SLC12A6: variants seen among roughly 807,000 people sequenced by gnomAD.
SLC12A6 encodes solute carrier family 12 member 6.
SLC12A6 carries 66 observed loss-of-function variants against 135.3 expected under a neutral mutation model. That is an observed-to-expected ratio of 0.49 (90% confidence interval 0.40 to 0.60). The LOEUF (loss-of-function observed/expected upper bound fraction) is 0.60, where lower values mean the gene tolerates loss of function less well. Ranked by LOEUF, SLC12A6 falls within the 20% of genes least tolerant of loss-of-function variation. The probability of loss-of-function intolerance (pLI) is 0.00; values close to 1 mark genes in which losing one functional copy is unlikely to be tolerated. For synonymous variants in SLC12A6, 513 were observed against 508.8 expected, an observed-to-expected ratio of 1.01 and a Z score of -0.11; for missense variants, 1,058 against 1,452.3, an observed-to-expected ratio of 0.73 and a Z score of 4.41.
At position 34,318,529 on chromosome 15, in the gene SLC12A6, A is replaced by G. The variant is rs923031054; in HGVS notation, c.271+17881T>C. On this transcript the variant is annotated intron_variant, in intron 2 of 25. Coordinates refer to ENST00000354181, the MANE Select transcript of SLC12A6 (RefSeq NM_001365088.1). ...TTACTTCTTTCATGAAACATTTTAT[A>G]GGTTCCAAAAGCTCCCAAGTTGCGT... The G allele has an allele frequency of 1.9e-6, 3 of 1,556,474 alleles. No individual in the cohort carries two copies. In the Admixed American group the frequency reaches 5.0e-5, roughly 26 times the overall value.
chr15:34,252,175 A>G lies in SLC12A6; in HGVS notation c.1328T>C (p.Ile443Thr). The G allele has an allele frequency of 6.5e-7, 1 of 1,547,850 alleles. No homozygotes were observed. Among genetic ancestry groups the G allele is most frequent in the Non-Finnish European group, 8.9e-7 (1 of 1,119,704 alleles). ...CCAATAACTCCCTAACTTACCTGTA[A>G]TTATACCACTAGCCAATCCAGGAAT... ...QGIPGLASGI[I>T]TENLWSNYLP... Residue 443 changes from isoleucine (I) to threonine (T), a missense_variant, in exon 10 of 26, where the codon ATT (isoleucine) becomes ACT (threonine). Coordinates refer to ENST00000354181, the MANE Select transcript of SLC12A6 (RefSeq NM_001365088.1).
chr15:34,335,691 G>A (rs1189201991), intron 2 of SLC12A6, among the ~76,000 whole-genome samples: 1 of 152,142 alleles, frequency 6.6e-6, no homozygotes, highest in African/African-American at 2.4e-5. Flanking sequence ...ACTGGTTTAG[G>A]AAGCTAAAGG....
At chr15:34,253,971 C>G (rs1273633425) in intron 9 of SLC12A6, among the ~76,000 whole-genome samples, 3 of 152,194 alleles carry the variant, frequency 2.0e-5, no homozygotes, top group Non-Finnish European at 4.4e-5. Context: ...AATCCCAGCA[C>G]GTCGGGAGGC....
intron 3 of SLC12A6, among the ~76,000 whole-genome samples, chr15:34,261,733 G>C (rs1893147405): frequency 6.6e-6 from 1 of 152,166 alleles, no homozygotes; most frequent in African/African-American, 2.4e-5. Context: ...AAAGCTCTCT[G>C]CCTCCACAGC....
chr15:34,296,049 A>C (rs1895859293), intron 2 of SLC12A6, among the ~76,000 whole-genome samples: 1 of 152,220 alleles, frequency 6.6e-6, no homozygotes, highest in Non-Finnish European at 1.5e-5. Context: ...AATTATTTAT[A>C]ATAGTAATTG....
At chr15:34,315,054 A>C (rs1804670042) in intron 2 of SLC12A6, among the ~76,000 whole-genome samples, 1 of 152,196 alleles carries the variant, frequency 6.6e-6, no homozygotes, top group Admixed American at 6.5e-5. Context: ...TGAGCAAAGA[A>C]AGTAGTTTCT....
At chr15:34,257,109 G>A (rs912724827) in intron 6 of SLC12A6, among the ~76,000 whole-genome samples, 1 of 152,170 alleles carries the variant, frequency 6.6e-6, no homozygotes, top group African/African-American at 2.4e-5. Context: ...ATTCATAGGT[G>A]TGTCTGGGAT....
intron 3 of SLC12A6, among the ~76,000 whole-genome samples, chr15:34,265,104 G>A (rs951652366): frequency 6.6e-6 from 1 of 152,220 alleles, no homozygotes; most frequent in African/African-American, 2.4e-5. Flanking sequence ...GGCTGAGGCA[G>A]GAGAATGGCA....
Position 34,245,745 on chromosome 15 carries a change from G to C in SLC12A6, c.1772C>G (p.Ala591Gly). The C allele has an allele frequency of 6.2e-7, 1 of 1,613,790 alleles. No individual in the cohort carries two copies. Among genetic ancestry groups the C allele is most frequent in the Admixed American group, 1.7e-5 (1 of 60,008 alleles). Residue 591 changes from alanine (A) to glycine (G), a missense_variant, in exon 14 of 26, where the codon GCA becomes GGA. Ala to Gly is a moderately conservative substitution (Grantham distance 60). Transcript: ENST00000354181. ...GGCAATAGCTTGTAGCAGCCTCGGT[G>C]CACCTGTGAGGCTCTGAAGTCCAGC... ...CGAGLQSLTGAPRLLQAIAKD... is the reference protein window; with the variant it reads ...CGAGLQSLTGGPRLLQAIAKD...
At chr15:34,241,715 T>A (rs1002023483) in intron 17 of SLC12A6, among the ~76,000 whole-genome samples, 1 of 152,262 alleles carries the variant, frequency 6.6e-6, no homozygotes, top group Admixed American at 6.5e-5. Flanking sequence ...TGAATAAGAA[T>A]GTTATTTCGT....
chr15:34,259,430 G>A (rs1241762846), intron 4 of SLC12A6, among the ~76,000 whole-genome samples: 7 of 151,778 alleles, frequency 4.6e-5, no homozygotes, highest in Admixed American at 4.6e-4. Flanking sequence ...CAGAAGGATC[G>A]CTTGAGCCCA....
rs189905983 is a variant in SLC12A6, at chr15:34,286,443, T to C, written c.272-11054A>G. On this transcript the variant is annotated intron_variant, in intron 2 of 25. Transcript: ENST00000354181. ...ACTCCGTAGTCTTTTGGCTAATACA[T>C]TGTGGTCTTCATTAATAGCATTCAT... Among the ~76,000 whole-genome samples, 78 of 152,134 alleles carry C rather than the reference T, an allele frequency of 5.1e-4. 1 individual carries two copies. The highest frequency in any genetic ancestry group is 6.8e-3 in the Middle Eastern group (2 of 294).
chr15:34,293,392 C>T (rs1895673066), intron 2 of SLC12A6, among the ~76,000 whole-genome samples: 1 of 152,074 alleles, frequency 6.6e-6, no homozygotes, highest in Non-Finnish European at 1.5e-5. Flanking sequence ...GCAACCTCCA[C>T]CTCCTGGGTT....
At chr15:34,307,948 G>A (rs185751649) in intron 2 of SLC12A6, among the ~76,000 whole-genome samples, 3 of 152,212 alleles carry the variant, frequency 2.0e-5, no homozygotes. Flanking sequence ...TTTACCATAT[G>A]AGGCTTTAGA....
chr15:34,250,746 G>A lies in SLC12A6; in HGVS notation c.1493-17C>T. 1 of 1,509,554 alleles carries A rather than the reference G, an allele frequency of 6.6e-7. No individual in the cohort carries two copies. The highest frequency in any genetic ancestry group is 9.2e-7 in the Non-Finnish European group (1 of 1,084,722). 93.5% of individuals were successfully genotyped at this position (1,509,554 alleles called of 1,614,324 possible). On this transcript the variant is annotated splice_polypyrimidine_tract_variant and intron_variant, in intron 11 of 25. Transcript: ENST00000354181. Reference sequence around the variant, plus strand: ...CCATGATACCTTTAGAGATAAGGGGGAAAAAACCAAGTTAACTTCTTGGAC... The same window carrying A: ...CCATGATACCTTTAGAGATAAGGGGAAAAAAACCAAGTTAACTTCTTGGAC...
chr15:34,250,756 A>G, intron 11 of SLC12A6, 27 bp from the exon 12 acceptor site: 1 of 1,461,684 alleles, frequency 6.8e-7, no homozygotes, highest in Non-Finnish European at 9.6e-7. Context: ...GAAAAAACCA[A>G]GTTAACTTCT....
Position 34,255,757 on chromosome 15 carries a change from G to A in SLC12A6, c.746-365C>T, listed in dbSNP as rs1464226549. On this transcript the variant is annotated intron_variant, in intron 7 of 25. Coordinates refer to ENST00000354181, the MANE Select transcript of SLC12A6 (RefSeq NM_001365088.1). ...AGGATGAGGCGAGAGGATTGCTTGAGGCCAGGAGTTTGAGACCAAACTGGG... is the reference window on the plus strand; with the variant it reads ...AGGATGAGGCGAGAGGATTGCTTGAAGCCAGGAGTTTGAGACCAAACTGGG... Among the ~76,000 whole-genome samples, 4 of 152,088 alleles carry A rather than the reference G, an allele frequency of 2.6e-5. No homozygotes were observed. The East Asian group carries it at 7.7e-4, about 29-fold the overall frequency.
intron 25 of SLC12A6, 147 bp downstream of exon 25, chr15:34,235,034 T>C: frequency 1.3e-6 from 1 of 786,022 alleles, no homozygotes. Flanking sequence ...TATAACTTTG[T>C]AAAAATCCTT....
At chr15:34,247,528 A>AG (rs1376233310) in intron 13 of SLC12A6, among the ~76,000 whole-genome samples, 1 of 152,080 alleles carries the variant, frequency 6.6e-6, no homozygotes, top group African/African-American at 2.4e-5. Context: ...GGGAAAAAAA[A>AG]AAAGTAATGT....
Sources: allele counts gnomAD v4.1 joint callset (sites outside exome capture counted in the v4.1 genomes callset), GRCh38; gene constraint gnomAD v4.1.1; transcripts MANE v1.5; gene names NCBI Gene and HGNC (gene_info 2026-07-23, HGNC 2026-07-21).